The following MYO1F variants were observed in gnomAD, a reference collection of about 807,000 sequenced individuals.
MYO1F encodes unconventional myosin-If.
A neutral mutation model predicts 146.6 loss-of-function variants in MYO1F; 60 were observed. The observed-to-expected ratio is 0.41, with a 90% CI of 0.33 to 0.51. The LOEUF (loss-of-function observed/expected upper bound fraction) is 0.51, where lower values mean the gene tolerates loss of function less well. Ranked by LOEUF, MYO1F falls within the 20% of genes least tolerant of loss-of-function variation. MYO1F has a pLI of 0.25. For synonymous variants in MYO1F, 602 were observed against 602.1 expected (o/e 1.00, Z 0.00); for missense variants, 1,274 against 1,534.3 (o/e 0.83, Z 2.83).
chr19:8,576,870 C>G (rs1252759220), intron 1 of MYO1F: 2 of 254,882 alleles, frequency 7.8e-6, no homozygotes, highest in Non-Finnish European at 1.5e-5. Flanking sequence ...ACTTCCGCAT[C>G]TAGACGGATT....
intron 1 of MYO1F, among the ~76,000 whole-genome samples, chr19:8,557,341 G>A (rs926668365): frequency 2.0e-5 from 3 of 152,158 alleles, no homozygotes; most frequent in African/African-American, 7.2e-5. Flanking sequence ...CTGTCACCCA[G>A]GCTGGAGTGC....
intron 1 of MYO1F, among the ~76,000 whole-genome samples, chr19:8,557,169 T>C (rs1973896887): frequency 6.6e-6 from 1 of 151,950 alleles, no homozygotes; most frequent in Non-Finnish European, 1.5e-5. Flanking sequence ...TCTGTGATCA[T>C]AGCTACTCTG....
chr19:8,551,613 A>G (rs1367266301), intron 8 of MYO1F, 127 bp downstream of exon 8: 3 of 1,423,934 alleles, frequency 2.1e-6, no homozygotes, highest in Non-Finnish European at 3.0e-6. Context: ...CGGCCTCCCA[A>G]AGTGCTGGGA....
At chr19:8,563,804 G>A (rs1440579777) in intron 1 of MYO1F, among the ~76,000 whole-genome samples, 1 of 151,826 alleles carries the variant, frequency 6.6e-6, no homozygotes, top group Admixed American at 6.6e-5. Flanking sequence ...GAGCCACCGC[G>A]CCTGGCTTGA....
chr19:8,534,363 A>G (rs1972616548), intron 19 of MYO1F, among the ~76,000 whole-genome samples: 1 of 151,284 alleles, frequency 6.6e-6, no homozygotes, highest in Non-Finnish European at 1.5e-5. Flanking sequence ...GCTGGAGTGC[A>G]GTGGCGCAAT....
chr19:8,560,926 A>G (rs1974070773), intron 1 of MYO1F, among the ~76,000 whole-genome samples: 1 of 151,640 alleles, frequency 6.6e-6, no homozygotes, highest in Non-Finnish European at 1.5e-5. Flanking sequence ...TTTGGTAGAG[A>G]CGGGGTTTCA....
At chr19:8,523,988 G>T (rs1266948367) in intron 25 of MYO1F, among the ~76,000 whole-genome samples, 1 of 151,714 alleles carries the variant, frequency 6.6e-6, no homozygotes, top group East Asian at 1.9e-4. Flanking sequence ...GCATGATGGC[G>T]TGTGCCTGTA....
chr19:8,532,304 G>A (rs540790499), intron 19 of MYO1F, among the ~76,000 whole-genome samples: 27 of 152,300 alleles, frequency 1.8e-4, no homozygotes, highest in African/African-American at 6.5e-4. Context: ...AGGGTTTTGA[G>A]TTGTAAAAGT....
chr19:8,543,998 G>C, intron 14 of MYO1F: 1 of 349,954 alleles, frequency 2.9e-6, no homozygotes, highest in Non-Finnish European at 5.1e-6. Flanking sequence ...TGGTGGTGCT[G>C]GTGGTGGCGG....
chr19:8,572,015 G>T (rs75858056), intron 1 of MYO1F, among the ~76,000 whole-genome samples: 1 of 152,148 alleles, frequency 6.6e-6, no homozygotes, highest in Admixed American at 6.6e-5. Context: ...AAGCCACCGC[G>T]CCTGGCCTTT....
At chr19:8,534,975 G>C (rs189514109) in intron 19 of MYO1F, among the ~76,000 whole-genome samples, 1 of 151,720 alleles carries the variant, frequency 6.6e-6, no homozygotes, top group African/African-American at 2.4e-5. Context: ...GCAGTGGCAC[G>C]ATCTTGGCTC....
At chr19:8,566,155 C>CT (rs1243874917) in intron 1 of MYO1F, among the ~76,000 whole-genome samples, 1 of 137,332 alleles carries the variant, frequency 7.3e-6, no homozygotes, top group African/African-American at 2.7e-5. Context: ...AGGCTCCAGT[C>CT]TATGTCTTTT....
chr19:8,562,326 G>C (rs1454955936), intron 1 of MYO1F, among the ~76,000 whole-genome samples: 1 of 151,738 alleles, frequency 6.6e-6, no homozygotes, highest in Non-Finnish European at 1.5e-5. Flanking sequence ...TGTCTTTTTT[G>C]AGACAAGATC....
intron 1 of MYO1F, among the ~76,000 whole-genome samples, chr19:8,570,321 C>T (rs1242945108): frequency 6.6e-6 from 1 of 151,402 alleles, no homozygotes; most frequent in East Asian, 1.9e-4. Flanking sequence ...CCACTCATCT[C>T]GGCCTCCCAA....
At chr19:8,552,330 C>T (rs1211150538) in intron 6 of MYO1F, among the ~76,000 whole-genome samples, 166 bp from the exon 7 acceptor site, 1 of 152,022 alleles carries the variant, frequency 6.6e-6, no homozygotes, top group Non-Finnish European at 1.5e-5. Flanking sequence ...GCAATGTCGG[C>T]TCACTGCAAC....
intron 10 of MYO1F, chr19:8,549,651 T>TAAAGGCATGTGCACACA (rs1973519052): frequency 5.8e-6 from 1 of 171,332 alleles, no homozygotes; most frequent in Admixed American, 5.8e-5. Context: ...TAGCTGGGAT[T>TAAAGGCATGTGCACACA]AAAGGCATGT....
intron 1 of MYO1F, among the ~76,000 whole-genome samples, chr19:8,558,342 T>G (rs1324828160): frequency 6.6e-6 from 1 of 151,632 alleles, no homozygotes; most frequent in African/African-American, 2.4e-5. Context: ...ATTTAAATTT[T>G]TTTTGTATTG....
Position 8,550,496 on chromosome 19 carries a change from A to G in MYO1F, c.904+66T>C, listed in dbSNP as rs906899593. On this transcript the variant is annotated intron_variant, in intron 9 of 27. Transcript: ENST00000644032. ...TGGGCTTTCAGCTTCCTGGGGGCTG[A>G]GCTAGGAGGACGCAGTTCACCCACC... 45 of 1,613,160 alleles carry G rather than the reference A, an allele frequency of 2.8e-5. No homozygotes were observed. The African/African-American group carries it at 4.5e-4, about 16-fold the overall frequency.
intron 15 of MYO1F, among the ~76,000 whole-genome samples, chr19:8,541,206 A>AT (rs961407014): frequency 7.3e-5 from 11 of 151,142 alleles, no homozygotes; most frequent in Admixed American, 6.0e-4. Context: ...AAAAAAAAGA[A>AT]TTTTTTTTTA....
Sources: gnomAD v4.1 joint callset for allele counts (sites outside exome capture counted in the v4.1 genomes callset) on GRCh38, gnomAD v4.1.1 for gene constraint, MANE v1.5 for transcripts, NCBI Gene and HGNC (gene_info 2026-07-23, HGNC 2026-07-21) for gene names.